The following KDM5A variants were observed in gnomAD, a reference collection of about 807,000 sequenced individuals.
KDM5A encodes lysine-specific demethylase 5A.
In KDM5A, 42 loss-of-function variants were observed where a neutral mutation model predicts 193.5. The ratio of observed to expected loss-of-function variants is 0.22; its 90% CI spans 0.17 to 0.28. The LOEUF is 0.28. Among genes scored for constraint, KDM5A ranks in the 10% least tolerant of loss-of-function variants. The pLI is 1.00. For missense variants in KDM5A, 1,692 were observed against 2,055.1 expected, an observed-to-expected ratio of 0.82 and a Z score of 3.42; for synonymous variants, 796 against 718.1, an observed-to-expected ratio of 1.11 and a Z score of -1.73.
intron 3 of KDM5A, among the ~76,000 whole-genome samples, chr12:375,992 G>A (rs567186590): frequency 4.6e-5 from 7 of 152,320 alleles, no homozygotes; most frequent in African/African-American, 1.7e-4. Context: ...CTGCCCCTAC[G>A]AGGCGGTGCC....
chr12:283,943 T>A lies in KDM5A; in HGVS notation c.*1513A>T, dbSNP rs942195534. 4.3e-5 allele frequency: 10 copies of A among 233,064 alleles called. No individual in the cohort carries two copies. The highest frequency in any genetic ancestry group is 1.1e-4 in the Admixed American group (2 of 17,744). 14.4% of individuals were successfully genotyped at this position (233,064 alleles called of 1,614,324 possible). A position where few individuals can be genotyped will look rare whatever the true frequency, so the allele number is the denominator to read the frequency against. Reference sequence around the variant, plus strand: ...GACACAGCACCATAGTTTCAAACATTCACACACAAAAGAAAAAAGAGCCAG... The same window carrying A: ...GACACAGCACCATAGTTTCAAACATACACACACAAAAGAAAAAAGAGCCAG... On this transcript the variant is annotated 3_prime_UTR_variant, in exon 28 of 28. Transcript: ENST00000399788.
intron 3 of KDM5A, among the ~76,000 whole-genome samples, chr12:369,181 A>T (rs970711074): frequency 6.6e-6 from 1 of 152,168 alleles, no homozygotes; most frequent in African/African-American, 2.4e-5. Context: ...TCAAACAATC[A>T]ATCAGGGGAA....
At chr12:342,606 A>G (rs1279161887) in intron 10 of KDM5A, among the ~76,000 whole-genome samples, 11 of 151,750 alleles carry the variant, frequency 7.2e-5, no homozygotes, top group African/African-American at 2.4e-4. Context: ...ATTACAGGCA[A>G]GCGCCACCAC....
At chr12:321,485 GCACA>G (rs1194544046) in intron 17 of KDM5A, among the ~76,000 whole-genome samples, 1 of 152,174 alleles carries the variant, frequency 6.6e-6, no homozygotes, top group African/African-American at 2.4e-5. Context: ...AATTTTGTGT[GCACA>G]TGATTTTTCT....
At chr12:370,819 A>C (rs758390741) in intron 3 of KDM5A, among the ~76,000 whole-genome samples, 15 of 152,128 alleles carry the variant, frequency 9.9e-5, no homozygotes, top group Non-Finnish European at 2.1e-4. Flanking sequence ...CCTGTGTCCA[A>C]GTGTTCTCAT....
chr12:329,163 A>C, intron 13 of KDM5A, 134 bp from the exon 14 acceptor site: 1 of 756,788 alleles, frequency 1.3e-6, no homozygotes, highest in Middle Eastern at 3.3e-4. Flanking sequence ...TAAAGAGGCA[A>C]TATTCTATTA....
intron 4 of KDM5A, among the ~76,000 whole-genome samples, chr12:365,412 A>G (rs1944345654): frequency 6.6e-6 from 1 of 152,182 alleles, no homozygotes; most frequent in Admixed American, 6.5e-5. Context: ...ACAAAATCAT[A>G]TTGTATGATT....
At chr12:287,000 G>T (rs1242508352) in intron 27 of KDM5A, among the ~76,000 whole-genome samples, 2 of 152,078 alleles carry the variant, frequency 1.3e-5, no homozygotes, top group Non-Finnish European at 2.9e-5. Flanking sequence ...AAATGGAGAT[G>T]ACATTAATTA....
Position 341,476 on chromosome 12 carries a change from A to AG in KDM5A, c.1309-7055dup, listed in dbSNP as rs900696872. 6.0e-5 allele frequency among the ~76,000 whole-genome samples: 9 copies of AG among 149,848 alleles called. No homozygotes were observed. The South Asian group carries it at 1.7e-3, about 28-fold the overall frequency. On this transcript the variant is annotated intron_variant, in intron 10 of 27. Coordinates refer to ENST00000399788, the MANE Select transcript of KDM5A (RefSeq NM_001042603.3). ...CTAACTTGTGGTCTACCATGACAAG[A>AG]GGGAAAAAAAAAATCAGTAACATGA...
At chr12:313,379 A>G (rs1461116114) in intron 19 of KDM5A, among the ~76,000 whole-genome samples, 185 bp from the exon 20 acceptor site, 1 of 152,222 alleles carries the variant, frequency 6.6e-6, no homozygotes, top group African/African-American at 2.4e-5. Flanking sequence ...ACAGATAAGA[A>G]AAGGTATAAA....
chr12:359,913 T>C (rs1944274791), intron 5 of KDM5A, among the ~76,000 whole-genome samples: 1 of 151,956 alleles, frequency 6.6e-6, no homozygotes, highest in Non-Finnish European at 1.5e-5. Flanking sequence ...GTATTGAATT[T>C]GGCATAACCA....
chr12:328,985 C>T lies in KDM5A; in HGVS notation c.1818G>A (p.Arg606=), dbSNP rs2137419189. The change falls in exon 14 of 28, where the codon AGG becomes AGA. Residue 606 remains arginine (R), a synonymous_variant. Coordinates refer to ENST00000399788, the MANE Select transcript of KDM5A (RefSeq NM_001042603.3). ...RQCVNHYRRL[R]RHCVFSHEEL... The stretch of plus-strand genomic sequence containing the variant: ...CCTCGTGTGAAAAGACACAGTGGCG[C>T]CTTAGGCGTCGGTAATGATTTACAC... The T allele has an allele frequency of 1.9e-6, 3 of 1,614,224 alleles. No homozygotes were observed. Among genetic ancestry groups the T allele is most frequent in the Non-Finnish European group, 2.5e-6 (3 of 1,180,050 alleles).
rs2137352865 is a variant in KDM5A, at chr12:284,302, AG to A, written c.*1153del. 1.7e-5 allele frequency: 4 copies of A among 230,242 alleles called. No individual in the cohort carries two copies. In the East Asian group the frequency reaches 2.5e-4, roughly 14 times the overall value. The allele number at this position is 230,242 out of a possible 1,614,324, so 14.3% of individuals were successfully genotyped here. A position where few individuals can be genotyped will look rare whatever the true frequency, so the allele number is the denominator to read the frequency against. On this transcript the variant is annotated 3_prime_UTR_variant, in exon 28 of 28. Transcript: ENST00000399788. ...GAACAGTCAGTAGTCAGAGACATTT[AG>A]AAAAAAGTAAAAACAAGTCCTTTTT...
At chr12:314,240 G>C (rs1475892136) in intron 19 of KDM5A, among the ~76,000 whole-genome samples, 1 of 152,106 alleles carries the variant, frequency 6.6e-6, no homozygotes, top group Non-Finnish European at 1.5e-5. Flanking sequence ...GGGTCACCCA[G>C]GCTGAAGTGC....
chr12:321,231 A>T (rs147630154), intron 17 of KDM5A, 122 bp from the exon 18 acceptor site: 1 of 735,028 alleles, frequency 1.4e-6, no homozygotes, highest in East Asian at 2.6e-5. Context: ...TTTGAAGGAT[A>T]ACACCACAAT....
Position 388,964 on chromosome 12 carries a change from G to C in KDM5A, c.128C>G (p.Ala43Gly). 1 of 1,614,178 alleles carries C rather than the reference G, an allele frequency of 6.2e-7. No individual in the cohort carries two copies. The highest frequency in any genetic ancestry group is 1.1e-5 in the South Asian group (1 of 91,088). ...LSFIGRIRPLAEKTGICKIRP... is the reference protein window; with the variant it reads ...LSFIGRIRPLGEKTGICKIRP... ...AATTTTGCAGATGCCGGTTTTCTCC[G>C]CCAAAGGCCGGATGCGGCCGATAAA... Residue 43 changes from alanine (A) to glycine (G), a missense_variant, in exon 1 of 28, where the codon GCG (alanine) becomes GGG (glycine). Physicochemically the swap from Ala to Gly is moderately conservative, Grantham distance 60. Coordinates refer to ENST00000399788, the MANE Select transcript of KDM5A (RefSeq NM_001042603.3).
At chr12:380,179 A>C (rs1248754972) in intron 3 of KDM5A, among the ~76,000 whole-genome samples, 1 of 151,860 alleles carries the variant, frequency 6.6e-6, no homozygotes, top group Non-Finnish European at 1.5e-5. Context: ...GAGTGAGGGG[A>C]ATCGCTTGAA....
At chr12:286,284 AG>A (rs1308761332) in intron 27 of KDM5A, 4 of 446,454 alleles carry the variant, frequency 9.0e-6, no homozygotes, top group Admixed American at 8.1e-5. Flanking sequence ...ACAGGTCAAT[AG>A]ATCACTCTGG....
At chr12:325,933 G>T (rs1256005837) in intron 14 of KDM5A, among the ~76,000 whole-genome samples, 1 of 152,132 alleles carries the variant, frequency 6.6e-6, no homozygotes, top group Non-Finnish European at 1.5e-5. Context: ...AGATTCACTT[G>T]AACCCAGGGG....
Sources: gnomAD v4.1 joint callset for allele counts (sites outside exome capture counted in the v4.1 genomes callset) on GRCh38, gnomAD v4.1.1 for gene constraint, MANE v1.5 for transcripts, NCBI Gene and HGNC (gene_info 2026-07-23, HGNC 2026-07-21) for gene names.